Variants in CTNNA2 observed in about 807,000 individuals in gnomAD.
CTNNA2 encodes catenin alpha-2.
In CTNNA2, 42 loss-of-function variants were observed where a neutral mutation model predicts 101.0. The observed-to-expected ratio is 0.42, with a 90% CI of 0.32 to 0.54. CTNNA2 has a LOEUF of 0.54. Among genes scored for constraint, CTNNA2 ranks in the 20% least tolerant of loss-of-function variants. CTNNA2 has a pLI of 0.14. For missense variants in CTNNA2, 871 were observed against 1,223.1 expected, an observed-to-expected ratio of 0.71 and a Z score of 4.29; for synonymous variants, 450 against 456.4, an observed-to-expected ratio of 0.99 and a Z score of 0.18.
intron 1 of CTNNA2, among the ~76,000 whole-genome samples, chr2:79,540,001 T>C (rs1673309804): frequency 6.6e-6 from 1 of 152,216 alleles, no homozygotes; most frequent in African/African-American, 2.4e-5. Flanking sequence ...TACACACTAA[T>C]TTGTATATAA....
intron 6 of CTNNA2, among the ~76,000 whole-genome samples, chr2:79,907,774 G>T (rs185495585): frequency 1.3e-5 from 2 of 152,334 alleles, no homozygotes; most frequent in East Asian, 3.9e-4. Context: ...AAGATTTCAT[G>T]CACTGCTTTC....
chr2:79,232,362 A>G (rs1360713463), intron 2 of CTNNA2, among the ~76,000 whole-genome samples: 2 of 152,060 alleles, frequency 1.3e-5, no homozygotes, highest in Non-Finnish European at 2.9e-5. Flanking sequence ...AATCACATTT[A>G]TTGATTTGCA....
intron 12 of CTNNA2, among the ~76,000 whole-genome samples, chr2:80,573,900 C>T (rs1183506247): frequency 6.6e-6 from 1 of 152,140 alleles, no homozygotes. Flanking sequence ...CTACACCACA[C>T]TACTGTGGGC....
At chr2:80,558,646 T>G (rs1693271731) in intron 12 of CTNNA2, among the ~76,000 whole-genome samples, 1 of 152,184 alleles carries the variant, frequency 6.6e-6, no homozygotes, top group Admixed American at 6.6e-5. Context: ...TAAACAATTT[T>G]AGAGCCATGT....
chr2:79,486,679 AC>A (rs1424942056), intron 4 of CTNNA2, among the ~76,000 whole-genome samples: 14 of 152,316 alleles, frequency 9.2e-5, no homozygotes, highest in African/African-American at 2.9e-4. Context: ...GAACTAGTTT[AC>A]AGTCCCACCA....
intron 3 of CTNNA2, among the ~76,000 whole-genome samples, chr2:79,326,154 C>A (rs1676740564): frequency 6.6e-6 from 1 of 151,974 alleles, no homozygotes; most frequent in Non-Finnish European, 1.5e-5. Flanking sequence ...ATGATTTTAC[C>A]TTAGTGGACT....
chr2:80,102,845 G>A (rs1002465886), intron 7 of CTNNA2, among the ~76,000 whole-genome samples: 1 of 152,146 alleles, frequency 6.6e-6, no homozygotes, highest in Non-Finnish European at 1.5e-5. Context: ...AAGCAACTAT[G>A]TGTCAGGGAC....
intron 7 of CTNNA2, among the ~76,000 whole-genome samples, chr2:80,322,057 A>T (rs1288729023): frequency 2.0e-5 from 3 of 152,198 alleles, no homozygotes; most frequent in African/African-American, 7.2e-5. Context: ...ATTTTTTAAG[A>T]TGAGGTTTGA....
chr2:80,106,782 A>T (rs1336011332), intron 7 of CTNNA2, among the ~76,000 whole-genome samples: 1 of 151,906 alleles, frequency 6.6e-6, no homozygotes, highest in Non-Finnish European at 1.5e-5. Flanking sequence ...CCAGGAGGGA[A>T]CTCCAGGAGA....
intron 2 of CTNNA2, chr2:79,687,652 T>C (rs1294025740): frequency 3.0e-6 from 2 of 657,864 alleles, no homozygotes; most frequent in Non-Finnish European, 5.5e-6. Flanking sequence ...ACCTGTTGAA[T>C]TGGGTAACTC....
At chr2:79,998,661 CT>C (rs1165420603) in intron 7 of CTNNA2, among the ~76,000 whole-genome samples, 1 of 152,126 alleles carries the variant, frequency 6.6e-6, no homozygotes, top group East Asian at 1.9e-4. Flanking sequence ...AGCCATTGCA[CT>C]TTTGTGGGAA....
chr2:80,364,141 G>A (rs903726577), intron 7 of CTNNA2, among the ~76,000 whole-genome samples: 2 of 152,030 alleles, frequency 1.3e-5, no homozygotes, highest in African/African-American at 4.8e-5. Context: ...TCAGGTCCTC[G>A]GAGACCCTTA....
chr2:79,528,197 T>TTTTTC (rs71385277), intron 1 of CTNNA2, among the ~76,000 whole-genome samples: 1 of 149,618 alleles, frequency 6.7e-6, no homozygotes, highest in African/African-American at 2.5e-5. Context: ...ACACGTTCTC[T>TTTTTC]TTTTCTTTTC....
chr2:79,329,522 C>T (rs1241771385), intron 3 of CTNNA2, among the ~76,000 whole-genome samples: 4 of 152,112 alleles, frequency 2.6e-5, no homozygotes, highest in African/African-American at 7.2e-5. Flanking sequence ...ATCCCCTACA[C>T]TTGGCAGATA....
chr2:80,398,541 C>G (rs1167226518), intron 8 of CTNNA2, among the ~76,000 whole-genome samples: 1 of 151,736 alleles, frequency 6.6e-6, no homozygotes, highest in Non-Finnish European at 1.5e-5. Context: ...GAAACATGAA[C>G]CCAGAGACAG....
chr2:79,553,455 G>T (rs531834307), intron 1 of CTNNA2, among the ~76,000 whole-genome samples: 5 of 152,068 alleles, frequency 3.3e-5, no homozygotes, highest in Non-Finnish European at 7.3e-5. Context: ...TTCTGTGTTG[G>T]TCTGTTTTTG....
chr2:80,591,698 T>C (rs1408141969), intron 15 of CTNNA2, among the ~76,000 whole-genome samples: 1 of 151,832 alleles, frequency 6.6e-6, no homozygotes, highest in Non-Finnish European at 1.5e-5. Context: ...CTCTCCATAA[T>C]GTGTATGTGT....
chr2:79,727,324 C>T (rs1216377990), intron 2 of CTNNA2, among the ~76,000 whole-genome samples: 1 of 152,060 alleles, frequency 6.6e-6, no homozygotes, highest in African/African-American at 2.4e-5. Flanking sequence ...TGAGGAATTC[C>T]ATCAAATACT....
At chr2:80,476,755 G>C (rs753168704) in intron 9 of CTNNA2, among the ~76,000 whole-genome samples, 1 of 152,060 alleles carries the variant, frequency 6.6e-6, no homozygotes, top group Non-Finnish European at 1.5e-5. Context: ...GGGAATGAAG[G>C]GGGCATCATG....
Sources: allele counts gnomAD v4.1 joint callset (sites outside exome capture counted in the v4.1 genomes callset), GRCh38; gene constraint gnomAD v4.1.1; transcripts MANE v1.5; gene names NCBI Gene and HGNC (gene_info 2026-07-23, HGNC 2026-07-21).